KLHL13: variants seen among roughly 807,000 people sequenced by gnomAD.
The protein encoded by KLHL13 is kelch-like protein 13.
A neutral mutation model predicts 37.1 loss-of-function variants in KLHL13; 10 were observed. The ratio of observed to expected loss-of-function variants is 0.27; its 90% CI spans 0.17 to 0.46. The LOEUF (loss-of-function observed/expected upper bound fraction) is 0.46, where lower values mean the gene tolerates loss of function less well. Among genes scored for constraint, KLHL13 ranks in the 20% least tolerant of loss-of-function variants. KLHL13 has a pLI of 1.00. For synonymous variants in KLHL13, 163 were observed against 181.2 expected (o/e 0.90, Z 0.81); for missense variants, 360 against 509.3 (o/e 0.71, Z 2.82).
intron 1 of KLHL13, among the ~76,000 whole-genome samples, chrX:118,095,361 C>T (rs1255883280): frequency 9.0e-6 from 1 of 111,355 alleles, no homozygotes; most frequent in Admixed American, 9.5e-5. Flanking sequence ...TATATATGCA[C>T]CCAATACAGG....
intron 1 of KLHL13, among the ~76,000 whole-genome samples, chrX:118,006,258 T>C (rs1451177575): frequency 1.8e-5 from 2 of 111,904 alleles, no homozygotes; most frequent in African/African-American, 6.5e-5. Context: ...GTTCATCACA[T>C]GGACTGTACA....
chrX:117,973,133 C>T, exon 1 of KLHL13: 1 of 959,817 alleles, frequency 1.0e-6, no homozygotes, highest in South Asian at 2.7e-5. Flanking sequence ...TACAATGCAG[C>T]TTTATTTAAT....
chrX:118,017,668 A>G (rs756204906), intron 1 of KLHL13, among the ~76,000 whole-genome samples: 2 of 111,736 alleles, frequency 1.8e-5, no homozygotes, highest in Non-Finnish European at 1.9e-5. Flanking sequence ...TCCTTTCAAC[A>G]GCACTTAAGA....
chrX:117,986,229 G>C (rs954709373), intron 1 of KLHL13, among the ~76,000 whole-genome samples: 11 of 111,667 alleles, frequency 9.9e-5, no homozygotes, highest in African/African-American at 3.3e-4. Context: ...CGTTGCAACT[G>C]AGGCTGAAGA....
At chrX:118,043,222 G>C (rs936447117) in intron 1 of KLHL13, among the ~76,000 whole-genome samples, 11 of 111,533 alleles carry the variant, frequency 9.9e-5, no homozygotes, top group African/African-American at 3.6e-4. Context: ...CCAATAACAA[G>C]TAATGAGATT....
At chrX:117,903,840 GGACTCT>G (rs1430452059) in intron 5 of KLHL13, among the ~76,000 whole-genome samples, 16 of 110,541 alleles carry the variant, frequency 1.4e-4, no homozygotes, top group African/African-American at 4.9e-4. Flanking sequence ...TCTTAATGCG[GGACTCT>G]GACTTAAACT....
intron 1 of KLHL13, among the ~76,000 whole-genome samples, chrX:118,013,919 A>G (rs1029857519): frequency 1.3e-4 from 15 of 112,594 alleles, no homozygotes; most frequent in African/African-American, 4.8e-4. Flanking sequence ...TGACTTCCTC[A>G]ATCAATACTC....
intron 2 of KLHL13, among the ~76,000 whole-genome samples, chrX:117,944,340 T>G (rs1239882298): frequency 9.0e-6 from 1 of 111,353 alleles, no homozygotes; most frequent in African/African-American, 3.3e-5. Context: ...GAACCTTAGA[T>G]AGACCCCAGC....
intron 1 of KLHL13, among the ~76,000 whole-genome samples, chrX:117,986,965 C>A (rs2053733349): frequency 9.0e-6 from 1 of 111,345 alleles, no homozygotes; most frequent in African/African-American, 3.3e-5. Flanking sequence ...GCCCACCTCC[C>A]AGACTTCATA....
At chrX:117,943,659 T>G (rs1016729978) in intron 2 of KLHL13, among the ~76,000 whole-genome samples, 15 of 103,997 alleles carry the variant, frequency 1.4e-4, no homozygotes, top group Non-Finnish European at 2.3e-4. Context: ...GTCCTCATGC[T>G]GTGTTTTTCA....
At chrX:117,994,175 C>T (rs1051903149) in intron 1 of KLHL13, among the ~76,000 whole-genome samples, 3 of 111,783 alleles carry the variant, frequency 2.7e-5, no homozygotes, top group African/African-American at 9.8e-5. Flanking sequence ...TGCACTTGTA[C>T]ATAGAGTTTA....
At chrX:117,927,684 G>C (rs1020312887) in intron 2 of KLHL13, among the ~76,000 whole-genome samples, 19 of 112,190 alleles carry the variant, frequency 1.7e-4, no homozygotes, top group African/African-American at 5.8e-4. Context: ...ACAACAAAAT[G>C]AATGAATCTT....
At chrX:117,926,620 GA>G (rs1932034570) in intron 2 of KLHL13, among the ~76,000 whole-genome samples, 3 of 111,072 alleles carry the variant, frequency 2.7e-5, no homozygotes, top group Non-Finnish European at 5.7e-5. Context: ...AGTACTGGGG[GA>G]AAGTTTGCTC....
chrX:118,096,680 T>G (rs1175908006), intron 1 of KLHL13, among the ~76,000 whole-genome samples: 7 of 111,529 alleles, frequency 6.3e-5, no homozygotes, highest in Admixed American at 5.7e-4. Context: ...AAATCCTCAA[T>G]AAAATACTGG....
At chrX:117,905,852 AAATT>A (rs1168687574) in intron 5 of KLHL13, among the ~76,000 whole-genome samples, 2 of 111,492 alleles carry the variant, frequency 1.8e-5, no homozygotes, top group Admixed American at 1.9e-4. Flanking sequence ...ACATACAATT[AAATT>A]ATTATTGACT....
intron 1 of KLHL13, among the ~76,000 whole-genome samples, chrX:118,053,050 C>T (rs1214687135): frequency 9.0e-6 from 1 of 111,314 alleles, no homozygotes; most frequent in African/African-American, 3.3e-5. Context: ...AGGAGATGTG[C>T]AACATAGGCA....
chrX:117,975,177 T>TACACATACACACACAC (rs1556327645), upstream of KLHL13, among the ~76,000 whole-genome samples: 1 of 103,292 alleles, frequency 9.7e-6, no homozygotes, highest in African/African-American at 3.5e-5. Context: ...GAGAAATACA[T>TACACATACACACACAC]ACACACACAC....
chrX:118,109,839 C>A (rs149568492), intron 1 of KLHL13, among the ~76,000 whole-genome samples: 1 of 111,374 alleles, frequency 9.0e-6, no homozygotes, highest in Non-Finnish European at 1.9e-5. Flanking sequence ...AGAAAAAATC[C>A]TTTGAGACAT....
intron 1 of KLHL13, among the ~76,000 whole-genome samples, chrX:118,105,850 T>C (rs1196246314): frequency 9.1e-6 from 1 of 109,461 alleles, no homozygotes; most frequent in Non-Finnish European, 1.9e-5. Flanking sequence ...ACCCCATCAA[T>C]TGAAAGGCTA....
Sources: allele counts gnomAD v4.1 joint callset (sites outside exome capture counted in the v4.1 genomes callset), GRCh38; gene constraint gnomAD v4.1.1; transcripts MANE v1.5; gene names NCBI Gene and HGNC (gene_info 2026-07-23, HGNC 2026-07-21).